RNF212B: variants seen among roughly 807,000 people sequenced by gnomAD.
The protein encoded by RNF212B is E3 ubiquitin-protein ligase RNF212B.
RNF212B carries 52 observed loss-of-function variants against 55.5 expected under a neutral mutation model. That is an observed-to-expected ratio of 0.94 (90% confidence interval 0.75 to 1.18). The LOEUF is 1.18. Ranked by LOEUF, RNF212B falls within the 50% of genes most tolerant of loss-of-function variation. The probability of loss-of-function intolerance (pLI) is 0.00; values close to 1 mark genes in which losing one functional copy is unlikely to be tolerated. For missense variants in RNF212B, 289 were observed against 350.4 expected, an observed-to-expected ratio of 0.82 and a Z score of 1.40; for synonymous variants, 99 against 121.4, an observed-to-expected ratio of 0.82 and a Z score of 1.21.
chr14:23,214,306 C>T (rs1044563767), intron 2 of RNF212B, among the ~76,000 whole-genome samples: 4 of 151,916 alleles, frequency 2.6e-5, no homozygotes, highest in Non-Finnish European at 4.4e-5. Context: ...CCAGCCTGGC[C>T]AACATAGTGA....
chr14:23,246,354 A>T (rs1883979748), intron 4 of RNF212B, among the ~76,000 whole-genome samples: 1 of 152,110 alleles, frequency 6.6e-6, no homozygotes, highest in Non-Finnish European at 1.5e-5. Flanking sequence ...TAATGAACTA[A>T]TCTTCCCTAT....
At chr14:23,211,384 G>A (rs74036951) in intron 2 of RNF212B, among the ~76,000 whole-genome samples, 5,189 of 152,038 alleles carry the variant, frequency 0.034, 259 homozygotes, top group African/African-American at 0.11. Flanking sequence ...TTCCCACAAA[G>A]AAAACTCCAG....
chr14:23,261,704 G>A (rs11158076), intron 7 of RNF212B, among the ~76,000 whole-genome samples: 25,633 of 152,084 alleles, frequency 0.17, 2,506 homozygotes, highest in South Asian at 0.25. Context: ...GCTCACACCC[G>A]TAATCACAGC....
intron 1 of RNF212B, among the ~76,000 whole-genome samples, chr14:23,188,861 G>A (rs1475846032): frequency 5.3e-5 from 8 of 152,038 alleles, no homozygotes; most frequent in Admixed American, 5.3e-4. Flanking sequence ...ATGGTGCCTG[G>A]CACTCAATAA....
intron 2 of RNF212B, among the ~76,000 whole-genome samples, chr14:23,222,899 A>G (rs1256822022): frequency 1.3e-5 from 2 of 151,896 alleles, no homozygotes; most frequent in Non-Finnish European, 2.9e-5. Flanking sequence ...CTAAAAATAC[A>G]AAAAATTAGC....
intron 2 of RNF212B, among the ~76,000 whole-genome samples, chr14:23,223,577 G>A (rs12892123): frequency 5.9e-5 from 9 of 151,868 alleles, no homozygotes; most frequent in African/African-American, 1.9e-4. Context: ...GGATGGTCTC[G>A]ATCTCCTGAC....
At chr14:23,213,186 G>C (rs1001097367) in intron 2 of RNF212B, among the ~76,000 whole-genome samples, 8 of 151,814 alleles carry the variant, frequency 5.3e-5, no homozygotes, top group Non-Finnish European at 2.9e-5. Flanking sequence ...GGTGGCAGGC[G>C]CCTGTAGTCC....
intron 2 of RNF212B, among the ~76,000 whole-genome samples, chr14:23,206,738 A>G (rs1879873609): frequency 6.6e-6 from 1 of 152,172 alleles, no homozygotes; most frequent in African/African-American, 2.4e-5. Context: ...AGAGGGAGAC[A>G]CTTTTATTTT....
intron 4 of RNF212B, among the ~76,000 whole-genome samples, chr14:23,252,631 T>C (rs1039279504): frequency 2.0e-4 from 31 of 152,078 alleles, no homozygotes; most frequent in Non-Finnish European, 5.9e-5. Flanking sequence ...GTTGGACAGG[T>C]AGTAAGCCAA....
chr14:23,244,214 A>ACG, intron 3 of RNF212B, 108 bp from the exon 4 acceptor site: 1 of 609,868 alleles, frequency 1.6e-6, no homozygotes, highest in Non-Finnish European at 2.8e-6. Flanking sequence ...CACAGTGGAG[A>ACG]TAATGTCAGG....
upstream of RNF212B, among the ~76,000 whole-genome samples, chr14:23,235,310 A>G (rs144916941): frequency 1.3e-5 from 2 of 152,144 alleles, no homozygotes; most frequent in Non-Finnish European, 2.9e-5. Context: ...TGATTGTGCC[A>G]CTAAACTCTA....
intron 2 of RNF212B, among the ~76,000 whole-genome samples, chr14:23,203,480 C>CT (rs1203784019): frequency 2.0e-5 from 1 of 49,308 alleles, no homozygotes; most frequent in African/African-American, 4.7e-5. Context: ...CTTTTAGTCC[C>CT]CCTTTTTTTT....
chr14:23,272,903 G>A lies in RNF212B; in HGVS notation c.*12G>A. The A allele has an allele frequency of 4.7e-6, 7 of 1,481,150 alleles. No homozygotes were observed. The highest frequency in any genetic ancestry group is 5.5e-6 in the Non-Finnish European group (6 of 1,090,344). 91.8% of individuals were successfully genotyped at this position (1,481,150 alleles called of 1,614,324 possible). A position where few individuals can be genotyped will look rare whatever the true frequency, so the allele number is the denominator to read the frequency against. Reference sequence around the variant, plus strand: ...CCACTTCTAGATAGATCATCTTCAAGATCTGATCTATACATGCTGCTGAAG... The same window carrying A: ...CCACTTCTAGATAGATCATCTTCAAAATCTGATCTATACATGCTGCTGAAG... On this transcript the variant is annotated 3_prime_UTR_variant, in exon 15 of 15. Transcript: ENST00000430154.
Position 23,264,173 on chromosome 14 carries a change from G to C in RNF212B, c.525-1G>C, listed in dbSNP as rs778512125. 1 of 1,548,468 alleles carries C rather than the reference G, an allele frequency of 6.5e-7. No homozygotes were observed. Among genetic ancestry groups the C allele is most frequent in the Non-Finnish European group, 8.7e-7 (1 of 1,145,408 alleles). ...TTTTCTTTTTGTTTCACCTTATACA[G>C]TCGGTCCTCCTCAGCGGAATCTATT... On this transcript the variant is annotated splice_acceptor_variant, in intron 9 of 14. Coordinates refer to ENST00000430154, the MANE Select transcript of RNF212B (RefSeq NM_001282322.3). LOFTEE classifies it high-confidence loss of function.
At chr14:23,217,993 A>G (rs1881247410) in intron 2 of RNF212B, among the ~76,000 whole-genome samples, 2 of 152,166 alleles carry the variant, frequency 1.3e-5, no homozygotes, top group South Asian at 4.1e-4. Context: ...AAGATAATGC[A>G]GAGAGGAAAT....
chr14:23,233,914 C>T (rs145080913), upstream of RNF212B, among the ~76,000 whole-genome samples: 30 of 151,984 alleles, frequency 2.0e-4, 1 homozygote, highest in East Asian at 2.5e-3. Context: ...CTGGCCAACA[C>T]GGTGAAACCC....
intron 2 of RNF212B, among the ~76,000 whole-genome samples, chr14:23,225,650 CGGGGAA>C (rs1881935697): frequency 7.3e-6 from 1 of 136,216 alleles, no homozygotes; most frequent in Admixed American, 7.5e-5. Flanking sequence ...TTATTAGAGG[CGGGGAA>C]GGGTAGTGGG....
At chr14:23,255,853 T>C (rs1249364968) in intron 4 of RNF212B, among the ~76,000 whole-genome samples, 1 of 152,252 alleles carries the variant, frequency 6.6e-6, no homozygotes. Context: ...TGAGGTACAT[T>C]ACTGAGTTAG....
chr14:23,207,292 C>A (rs1197158339), intron 2 of RNF212B, among the ~76,000 whole-genome samples: 1 of 152,092 alleles, frequency 6.6e-6, no homozygotes, highest in Non-Finnish European at 1.5e-5. Flanking sequence ...CAGTTTCTTA[C>A]CTAGTGATGG....
Sources: allele counts gnomAD v4.1 joint callset (sites outside exome capture counted in the v4.1 genomes callset), GRCh38; gene constraint gnomAD v4.1.1; transcripts MANE v1.5; gene names NCBI Gene and HGNC (gene_info 2026-07-23, HGNC 2026-07-21).